SLC11A2: variants seen among roughly 807,000 people sequenced by gnomAD.
SLC11A2 encodes the protein natural resistance-associated macrophage protein 2.
Under a neutral mutation model 68.0 loss-of-function variants are expected in SLC11A2, and 38 were observed. That is an observed-to-expected ratio of 0.56 (90% CI 0.43 to 0.73). The LOEUF is 0.73. Ranked by LOEUF, SLC11A2 falls within the 30% of genes least tolerant of loss-of-function variation. The probability of loss-of-function intolerance (pLI) is 0.00; values close to 1 mark genes in which losing one functional copy is unlikely to be tolerated. For synonymous variants in SLC11A2, 242 were observed against 250.6 expected (o/e 0.97, Z 0.32); for missense variants, 517 against 690.5 (o/e 0.75, Z 2.82).
chr12:50,999,322 C>G (rs1451489111), intron 7 of SLC11A2, 23 bp downstream of exon 7: 1 of 1,610,504 alleles, frequency 6.2e-7, no homozygotes, highest in African/African-American at 1.3e-5. Flanking sequence ...CTCCTTTGAC[C>G]CTCCCATTCC....
chr12:50,957,983 T>TGTGTA, the SLC11A2 span, among the ~76,000 whole-genome samples: 1 of 140,264 alleles, frequency 7.1e-6, no homozygotes, highest in Non-Finnish European at 1.6e-5. Context: ...TGTGTGTGTG[T>TGTGTA]GTAGTAGAGG....
downstream of SLC11A2, among the ~76,000 whole-genome samples, chr12:50,978,230 C>T (rs12369599): frequency 0.13 from 18,389 of 144,172 alleles, 1,370 homozygotes; most frequent in South Asian, 0.21. Flanking sequence ...TAGCAAAGAC[C>T]TGGAACCAAC....
chr12:50,968,130 AT>A, the SLC11A2 span, among the ~76,000 whole-genome samples: 1 of 148,970 alleles, frequency 6.7e-6, no homozygotes, highest in African/African-American at 2.5e-5. Context: ...GAGGAGGAGA[AT>A]GAGGAGGAGG....
chr12:51,005,294 T>G lies in SLC11A2; in HGVS notation c.309+17A>C. 1 of 1,613,430 alleles carries G rather than the reference T, an allele frequency of 6.2e-7. No homozygotes were observed. The highest frequency in any genetic ancestry group is 8.5e-7 in the Non-Finnish European group (1 of 1,179,544). On this transcript the variant is annotated intron_variant, in intron 4 of 15. Transcript: ENST00000262052. ...TATTATGTGCTTAAAAGGACAGGGG[T>G]AGGACTAGATGTTCACCTTAAATCC...
At chr12:50,984,511 G>A (rs923417623), downstream of SLC11A2, among the ~76,000 whole-genome samples, 8 of 152,208 alleles carry the variant, frequency 5.3e-5, no homozygotes, top group African/African-American at 1.9e-4. Context: ...TGCCCACAGA[G>A]TGTCACTTAG....
intron 5 of SLC11A2, among the ~76,000 whole-genome samples, chr12:51,002,638 CAAA>C (rs755823057): frequency 7.0e-5 from 5 of 71,784 alleles, no homozygotes; most frequent in Admixed American, 6.5e-4. Context: ...GACTTGGTCT[CAAA>C]AAAAAAAAAA....
downstream of SLC11A2, among the ~76,000 whole-genome samples, chr12:50,979,014 T>G (rs905976712): frequency 6.6e-6 from 1 of 152,162 alleles, no homozygotes; most frequent in Non-Finnish European, 1.5e-5. Context: ...TGTGTATACA[T>G]TGTCAGAGCA....
At chr12:50,999,658 G>C in intron 6 of SLC11A2, 1 of 530,784 alleles carries the variant, frequency 1.9e-6, no homozygotes, top group South Asian at 2.0e-5. Context: ...GAAAAGTTTG[G>C]GTCTTACCCT....
At chr12:51,027,898 C>T (rs1944450968), upstream of SLC11A2, among the ~76,000 whole-genome samples, 1 of 87,484 alleles carries the variant, frequency 1.1e-5, no homozygotes, top group South Asian at 4.4e-4. Context: ...TAAAAACAAA[C>T]TCGGGGACCA....
chr12:50,985,975 A>T, downstream of SLC11A2: 2 of 1,148,290 alleles, frequency 1.7e-6, no homozygotes, highest in Non-Finnish European at 2.2e-6. Context: ...GGTTAAAAAA[A>T]TACCCAGGAA....
chr12:50,990,065 C>T (rs183671208), intron 15 of SLC11A2, among the ~76,000 whole-genome samples: 1 of 152,088 alleles, frequency 6.6e-6, no homozygotes, highest in Admixed American at 6.5e-5. Flanking sequence ...AACTATATTG[C>T]CATTTTTATA....
In SLC11A2 at chr12:50,990,822, C is replaced by T; in HGVS notation, c.1548G>A (p.Val516=). 1.2e-6 allele frequency: 2 copies of T among 1,614,114 alleles called. No individual in the cohort carries two copies. The highest frequency in any genetic ancestry group is 8.5e-7 in the Non-Finnish European group (1 of 1,179,994). ...ALYVVAAVVS[V]AYLGFVFYLG... is the part of the protein sequence containing the mutation. ...AGTAGAACACAAAGCCCAGATAAGC[C>T]ACGCTGACCACAGCAGCCACCACAT... Residue 516 remains valine (V), a synonymous_variant, in exon 15 of 16, where the codon GTG becomes GTA. Coordinates refer to ENST00000262052, the MANE Select transcript of SLC11A2 (RefSeq NM_000617.3).
At chr12:51,024,280 ATATC>A (rs1266422636) in intron 1 of SLC11A2, 16 of 152,260 alleles carry the variant, frequency 1.1e-4, no homozygotes, top group African/African-American at 3.9e-4. Context: ...GGAAGGGCAG[ATATC>A]TGTCAGCAGA....
At position 51,005,181 on chromosome 12, in the gene SLC11A2, A is replaced by G. The variant is rs1421817624; in HGVS notation, c.309+130T>C. 1.1e-5 allele frequency: 12 copies of G among 1,047,282 alleles called. No homozygotes were observed. In the Admixed American group the frequency reaches 2.0e-4, roughly 17 times the overall value. The allele number at this position is 1,047,282 out of a possible 1,614,324, so 64.9% of individuals were successfully genotyped here. On this transcript the variant is annotated intron_variant, in intron 4 of 15. Transcript: ENST00000262052. ...TAAGACCAAATGGAAAGTACTTTAC[A>G]CATAAGAGCCACTGCCAATGAAGTA...
At chr12:51,007,635 T>TG (rs2136297799) in intron 3 of SLC11A2, among the ~76,000 whole-genome samples, 1 of 145,908 alleles carries the variant, frequency 6.9e-6, no homozygotes, top group South Asian at 2.2e-4. Context: ...GCGCCTGGCC[T>TG]GTTTTGTTTT....
At chr12:50,974,595 A>C (rs995714197), downstream of SLC11A2, among the ~76,000 whole-genome samples, 2 of 152,204 alleles carry the variant, frequency 1.3e-5, no homozygotes, top group Non-Finnish European at 2.9e-5. Flanking sequence ...CGAGCAAAAT[A>C]ACCAGCTAAC....
chr12:50,993,491 G>C (rs1220175197), intron 11 of SLC11A2, among the ~76,000 whole-genome samples: 1 of 151,810 alleles, frequency 6.6e-6, no homozygotes, highest in Non-Finnish European at 1.5e-5. Context: ...CCAGGAGTTT[G>C]AGACAAGCCT....
rs779981269 is a variant in SLC11A2 at position 51,010,757 on chromosome 12, G to C, written c.-29C>G. On this transcript the variant is annotated 5_prime_UTR_variant, in exon 2 of 16. Transcript: ENST00000262052. ...GGATACCTGAGTGGCTGAGTTCTTAGAATATGATTCTGGAAAGGAGAAAAG... is the reference window on the plus strand; with the variant it reads ...GGATACCTGAGTGGCTGAGTTCTTACAATATGATTCTGGAAAGGAGAAAAG... 5 of 1,597,158 alleles carry C rather than the reference G, an allele frequency of 3.1e-6. No homozygotes were observed. Among genetic ancestry groups the C allele is most frequent in the African/African-American group, 2.7e-5 (2 of 74,630 alleles).
At chr12:50,996,002 G>A (rs551917736) in intron 9 of SLC11A2, among the ~76,000 whole-genome samples, 1 of 152,146 alleles carries the variant, frequency 6.6e-6, no homozygotes, top group African/African-American at 2.4e-5. Flanking sequence ...TCGTTGAACT[G>A]TACATTCCCC....
Sources: gnomAD v4.1 joint callset for allele counts (sites outside exome capture counted in the v4.1 genomes callset) on GRCh38, gnomAD v4.1.1 for gene constraint, MANE v1.5 for transcripts, NCBI Gene and HGNC (gene_info 2026-07-23, HGNC 2026-07-21) for gene names.